CCDC7: variants seen among roughly 807,000 people sequenced by gnomAD.
The protein encoded by CCDC7 is coiled-coil domain containing 7, also known as coiled-coil domain-containing protein 7.
CCDC7 carries 183 observed loss-of-function variants against 196.9 expected under a neutral mutation model. That is an observed-to-expected ratio of 0.93 (90% CI 0.82 to 1.05). The LOEUF (loss-of-function observed/expected upper bound fraction) is 1.05, where lower values mean the gene tolerates loss of function less well. Ranked by LOEUF, CCDC7 falls within the 50% of genes least tolerant of loss-of-function variation. The probability of loss-of-function intolerance (pLI) is 0.00; values close to 1 mark genes in which losing one functional copy is unlikely to be tolerated. For missense variants in CCDC7, 1,540 were observed against 1,482.2 expected (o/e 1.04, Z -0.64); for synonymous variants, 525 against 484.6 (o/e 1.08, Z -1.10).
intron 28 of CCDC7, among the ~76,000 whole-genome samples, chr10:32,761,026 G>A (rs1167919690): frequency 3.3e-5 from 5 of 150,946 alleles, no homozygotes; most frequent in South Asian, 2.1e-4. Flanking sequence ...ATAATGTAAC[G>A]TATGAATTCA....
At chr10:32,799,211 G>A (rs1592873447) in intron 29 of CCDC7, among the ~76,000 whole-genome samples, 1 of 152,160 alleles carries the variant, frequency 6.6e-6, no homozygotes, top group Non-Finnish European at 1.5e-5. Flanking sequence ...CAGGCCAAGA[G>A]CTGACTCTCA....
intron 5 of CCDC7, among the ~76,000 whole-genome samples, chr10:32,464,223 T>C (rs1356728515): frequency 6.6e-6 from 1 of 152,186 alleles, no homozygotes; most frequent in Non-Finnish European, 1.5e-5. Context: ...TAAAAATTAC[T>C]AATTTAGGCA....
intron 28 of CCDC7, among the ~76,000 whole-genome samples, chr10:32,759,422 C>T (rs1473951884): frequency 6.6e-6 from 1 of 152,192 alleles, no homozygotes; most frequent in South Asian, 2.1e-4. Flanking sequence ...TAGAATAGAG[C>T]CCTCAGAAAT....
intron 18 of CCDC7, among the ~76,000 whole-genome samples, chr10:32,596,688 G>T (rs2060400721): frequency 6.6e-6 from 1 of 152,138 alleles, no homozygotes; most frequent in Non-Finnish European, 1.5e-5. Context: ...CATGTTTAGT[G>T]CTTCCTTCAG....
intron 21 of CCDC7, among the ~76,000 whole-genome samples, chr10:32,685,554 A>G (rs1046983966): frequency 6.6e-6 from 1 of 152,174 alleles, no homozygotes; most frequent in Non-Finnish European, 1.5e-5. Flanking sequence ...ACACCCCTAG[A>G]ACTTTATGGT....
chr10:32,476,033 T>C (rs1364458029), intron 8 of CCDC7, among the ~76,000 whole-genome samples: 1 of 152,242 alleles, frequency 6.6e-6, no homozygotes, highest in Non-Finnish European at 1.5e-5. Flanking sequence ...ACATTTGTTA[T>C]GGTTGATGAA....
intron 28 of CCDC7, among the ~76,000 whole-genome samples, chr10:32,769,620 A>G (rs1266039223): frequency 1.3e-5 from 2 of 151,994 alleles, no homozygotes; most frequent in African/African-American, 4.8e-5. Flanking sequence ...TGCTAATGCT[A>G]TCCATCCCCA....
intron 29 of CCDC7, among the ~76,000 whole-genome samples, chr10:32,790,036 A>C (rs527885567): frequency 6.6e-6 from 1 of 152,328 alleles, no homozygotes; most frequent in South Asian, 2.1e-4. Flanking sequence ...AGTCTCAGGC[A>C]GCCCCATCTC....
chr10:32,704,108 C>A (rs1480882408), intron 24 of CCDC7, among the ~76,000 whole-genome samples: 1 of 152,084 alleles, frequency 6.6e-6, no homozygotes, highest in Non-Finnish European at 1.5e-5. Context: ...TTAGAATTTT[C>A]CATTTTTCTG....
intron 41 of CCDC7, among the ~76,000 whole-genome samples, chr10:32,867,575 A>G (rs1480267798): frequency 1.3e-5 from 2 of 151,436 alleles, no homozygotes; most frequent in Non-Finnish European, 3.0e-5. Context: ...CCTATTATAC[A>G]AAAAGCTTCT....
intron 20 of CCDC7, among the ~76,000 whole-genome samples, chr10:32,643,057 A>AT (rs1564937443): frequency 1.3e-5 from 2 of 152,156 alleles, no homozygotes; most frequent in Non-Finnish European, 2.9e-5. Context: ...AGTAGTATTT[A>AT]TTTTTTGATT....
At chr10:32,707,382 C>G (rs2079969796) in intron 24 of CCDC7, among the ~76,000 whole-genome samples, 1 of 152,158 alleles carries the variant, frequency 6.6e-6, no homozygotes, top group African/African-American at 2.4e-5. Flanking sequence ...TGGGCAAAAA[C>G]TGGAAGCATT....
At chr10:32,821,488 T>C (rs2090182133) in intron 31 of CCDC7, among the ~76,000 whole-genome samples, 2 of 152,200 alleles carry the variant, frequency 1.3e-5, no homozygotes, top group Admixed American at 1.3e-4. Flanking sequence ...TTATAAAACA[T>C]GCTGCTATAA....
At chr10:32,595,216 C>T (rs1452538638) in intron 18 of CCDC7, among the ~76,000 whole-genome samples, 3 of 152,170 alleles carry the variant, frequency 2.0e-5, no homozygotes, top group Admixed American at 1.3e-4. Context: ...ATTATTGCCT[C>T]AATTTCAGAG....
At chr10:32,699,336 G>A (rs1430524280) in intron 24 of CCDC7, among the ~76,000 whole-genome samples, 2 of 151,644 alleles carry the variant, frequency 1.3e-5, no homozygotes, top group Admixed American at 1.3e-4. Context: ...AGTTTGCTGA[G>A]AATGATGGTT....
intron 13 of CCDC7, among the ~76,000 whole-genome samples, chr10:32,545,905 CAAAAAAAAAAAAAA>C (rs11326989): frequency 3.1e-5 from 2 of 64,168 alleles, no homozygotes; most frequent in Admixed American, 3.9e-4. Context: ...AACTCCGTCT[CAAAAAAAAAAAAAA>C]AAAAAAAAAG....
chr10:32,466,113 A>T (rs2036713041), intron 5 of CCDC7, among the ~76,000 whole-genome samples: 1 of 152,216 alleles, frequency 6.6e-6, no homozygotes, highest in Non-Finnish European at 1.5e-5. Flanking sequence ...CCCACTGCAC[A>T]GTATACTTCT....
intron 13 of CCDC7, among the ~76,000 whole-genome samples, chr10:32,560,468 G>C (rs988305342): frequency 2.0e-5 from 3 of 152,182 alleles, no homozygotes; most frequent in African/African-American, 7.2e-5. Context: ...ACTAATAGCG[G>C]ATCTCTCAGC....
chr10:32,857,364 G>T (rs1328783337), intron 41 of CCDC7, among the ~76,000 whole-genome samples: 1 of 152,116 alleles, frequency 6.6e-6, no homozygotes, highest in Admixed American at 6.5e-5. Flanking sequence ...CTTAAGGATA[G>T]ACCATATATT....
Sources: gnomAD v4.1 joint callset for allele counts (sites outside exome capture counted in the v4.1 genomes callset) on GRCh38, gnomAD v4.1.1 for gene constraint, MANE v1.5 for transcripts, NCBI Gene and HGNC (gene_info 2026-07-23, HGNC 2026-07-21) for gene names.